Variants in TRMT9B observed in about 807,000 individuals in gnomAD.
TRMT9B encodes the protein tRNA methyltransferase 9B (putative).
A neutral mutation model predicts 11.5 loss-of-function variants in TRMT9B; 16 were observed. The ratio of observed to expected loss-of-function variants is 1.39; its 90% CI spans 0.94 to 2.11. The LOEUF (loss-of-function observed/expected upper bound fraction) is 2.11, where lower values mean the gene tolerates loss of function less well. Among genes scored for constraint, TRMT9B ranks in the 30% most tolerant of loss-of-function variants. The probability of loss-of-function intolerance (pLI) is 0.00; values close to 1 mark genes in which losing one functional copy is unlikely to be tolerated. For missense variants in TRMT9B, 941 were observed against 553.8 expected (o/e 1.70, Z -7.02); for synonymous variants, 274 against 192.4 (o/e 1.42, Z -3.51).
Position 13,021,099 on chromosome 8 carries a change from C to G in TRMT9B, c.420C>G (p.Tyr140Ter), listed in dbSNP as rs142308288. The G allele has an allele frequency of 1.2e-6, 2 of 1,610,596 alleles. No homozygotes were observed. The highest frequency in any genetic ancestry group is 1.7e-6 in the Non-Finnish European group (2 of 1,177,990). Residue 140 changes from tyrosine (Y) to a stop codon, truncating the protein, a stop_gained, in exon 5 of 5, where the codon TAC becomes TAG. Coordinates refer to ENST00000524591, the MANE Select transcript of TRMT9B (RefSeq NM_020844.3). LOFTEE classifies it low-confidence loss of function (END_TRUNC). Reference protein sequence around the residue: ...VLVPGGQLMIYVWAMEQKNRH... With the variant: ...VLVPGGQLMI Reference sequence around the variant, plus strand: ...TTCCCGGAGGCCAACTGATGATTTACGTTTGGGCAATGGAACAAAAGAACC... The same window carrying G: ...TTCCCGGAGGCCAACTGATGATTTAGGTTTGGGCAATGGAACAAAAGAACC...
At chr8:12,993,618 G>A (rs553014845) in intron 2 of TRMT9B, among the ~76,000 whole-genome samples, 2 of 152,300 alleles carry the variant, frequency 1.3e-5, no homozygotes, top group South Asian at 4.1e-4. Context: ...GGGCAAAGGT[G>A]CCAGCACTGT....
chr8:12,973,994 C>T (rs1804030116), intron 1 of TRMT9B, among the ~76,000 whole-genome samples: 1 of 151,822 alleles, frequency 6.6e-6, no homozygotes, highest in African/African-American at 2.4e-5. Flanking sequence ...ATGTCATCTC[C>T]AAAAATATAT....
intron 1 of TRMT9B, chr8:12,961,998 A>G (rs536647034): frequency 1.6e-4 from 24 of 152,394 alleles, no homozygotes; most frequent in African/African-American, 5.5e-4. Context: ...AGAATCCATT[A>G]ACAGACACAC....
chr8:12,986,062 A>C (rs965900350), intron 1 of TRMT9B, among the ~76,000 whole-genome samples: 1 of 152,014 alleles, frequency 6.6e-6, no homozygotes, highest in African/African-American at 2.4e-5. Flanking sequence ...GGGTTTCACC[A>C]TGCTGGACAA....
rs1191292532 is a variant in TRMT9B, at chr8:13,028,902, G to T, written c.*6858G>T. 1 of 166,918 alleles carries T rather than the reference G, an allele frequency of 6.0e-6. No homozygotes were observed. Among genetic ancestry groups the T allele is most frequent in the African/African-American group, 2.4e-5 (1 of 41,416 alleles). The allele number at this position is 166,918 out of a possible 1,614,324, so 10.3% of individuals were successfully genotyped here. The stretch of plus-strand genomic sequence containing the variant: ...TACTAAAGTTTGTTTTACTTCTCTG[G>T]TTATTTACACAAAACGCTGGCAATA... On this transcript the variant is annotated 3_prime_UTR_variant, in exon 5 of 5. Coordinates refer to ENST00000524591, the MANE Select transcript of TRMT9B (RefSeq NM_020844.3).
chr8:12,984,295 C>A (rs1198367183), intron 1 of TRMT9B, among the ~76,000 whole-genome samples: 1 of 152,200 alleles, frequency 6.6e-6, no homozygotes, highest in East Asian at 1.9e-4. Flanking sequence ...TGGTCCCAAG[C>A]ACTTTGGTTA....
chr8:12,955,037 A>G (rs1295810609), intron 1 of TRMT9B, among the ~76,000 whole-genome samples: 3 of 152,222 alleles, frequency 2.0e-5, no homozygotes, highest in Admixed American at 2.0e-4. Flanking sequence ...GTTTATAATA[A>G]GAAGTAGGAG....
intron 2 of TRMT9B, among the ~76,000 whole-genome samples, chr8:13,003,365 A>G (rs893139010): frequency 6.6e-6 from 1 of 152,204 alleles, no homozygotes; most frequent in African/African-American, 2.4e-5. Flanking sequence ...GTTAAGCCCA[A>G]AACGGGACCT....
At chr8:12,975,191 A>G (rs936116116) in intron 1 of TRMT9B, among the ~76,000 whole-genome samples, 1 of 152,122 alleles carries the variant, frequency 6.6e-6, no homozygotes, top group Non-Finnish European at 1.5e-5. Context: ...CAGATAGTTC[A>G]TCCTCATCTC....
chr8:12,991,230 A>G (rs988629224), intron 2 of TRMT9B, among the ~76,000 whole-genome samples, 199 bp downstream of exon 2: 22 of 152,254 alleles, frequency 1.4e-4, no homozygotes, highest in African/African-American at 5.3e-4. Context: ...TAAAAATTAT[A>G]AGAACATATT....
chr8:12,951,097 G>A (rs925397051), intron 1 of TRMT9B, among the ~76,000 whole-genome samples: 2 of 152,132 alleles, frequency 1.3e-5, no homozygotes, highest in African/African-American at 2.4e-5. Context: ...AGAAGCAATG[G>A]GGGGAGGAAA....
In TRMT9B at chr8:13,021,097, T is replaced by G; in HGVS notation, c.418T>G (p.Tyr140Asp). ...VLVPGGQLMI[Y>D]VWAMEQKNRH... ...AGTTCCCGGAGGCCAACTGATGATT[T>G]ACGTTTGGGCAATGGAACAAAAGAA... is the stretch of plus-strand genomic sequence containing the variant. The change falls in exon 5 of 5, where the codon TAC (tyrosine) becomes GAC (aspartate). Residue 140 changes from tyrosine (Y) to aspartate (D), a missense_variant. Tyr to Asp is a radical substitution (Grantham distance 160, BLOSUM62 -3). Transcript: ENST00000524591. 1.2e-6 allele frequency: 2 copies of G among 1,610,742 alleles called. No individual in the cohort carries two copies. Among genetic ancestry groups the G allele is most frequent in the Non-Finnish European group, 1.7e-6 (2 of 1,178,024 alleles).
At chr8:13,010,691 A>G (rs1811422493) in intron 3 of TRMT9B, 3 of 984,942 alleles carry the variant, frequency 3.0e-6, no homozygotes, top group Non-Finnish European at 3.6e-6. Context: ...GATTTTATTA[A>G]TATCATTGAA....
At position 13,026,089 on chromosome 8, in the gene TRMT9B, T is replaced by C. The variant is rs143179524; in HGVS notation, c.*4045T>C. 2.1e-3 allele frequency: 346 copies of C among 167,066 alleles called. No homozygotes were observed. The highest frequency in any genetic ancestry group is 7.9e-3 in the African/African-American group (326 of 41,512). The allele number at this position is 167,066 out of a possible 1,614,324, so 10.3% of individuals were successfully genotyped here. ...GAACTTGGTGGGGGAGGGCACAGGT[T>C]AAATATGAGCTGTGAGCCCCCAGTT... On this transcript the variant is annotated 3_prime_UTR_variant, in exon 5 of 5. Transcript: ENST00000524591.
intron 1 of TRMT9B, among the ~76,000 whole-genome samples, chr8:12,983,053 G>C (rs112194075): frequency 8.7e-4 from 133 of 152,276 alleles, no homozygotes; most frequent in African/African-American, 3.1e-3. Flanking sequence ...TACTCAGTGT[G>C]GTCTTTTGCT....
Position 12,990,911 on chromosome 8 carries a change from G to C in TRMT9B, c.-122G>C, listed in dbSNP as rs17179534. 69,371 of 1,289,098 alleles carry C rather than the reference G, an allele frequency of 0.054. 2,070 individuals are homozygous for C. Among genetic ancestry groups the C allele is most frequent in the African/African-American group, 0.11 (7,196 of 65,892 alleles). The allele number at this position is 1,289,098 out of a possible 1,614,324, so 79.9% of individuals were successfully genotyped here. A position where few individuals can be genotyped will look rare whatever the true frequency, so the allele number is the denominator to read the frequency against. On this transcript the variant is annotated 5_prime_UTR_variant, in exon 2 of 5. Coordinates refer to ENST00000524591, the MANE Select transcript of TRMT9B (RefSeq NM_020844.3). ...GCACTATTTCATTTCACTCCTACAA[G>C]TTTTCATTTACGTTACACATTGAGA...
Position 13,022,084 on chromosome 8 carries a change from A to C in TRMT9B, c.*40A>C. ...ACAACTCCTCCAAAAGATGAACCAC[A>C]TTCTTTCCTCTTGGTTTGATATGGT... is the stretch of plus-strand genomic sequence containing the variant. On this transcript the variant is annotated 3_prime_UTR_variant, in exon 5 of 5. Transcript: ENST00000524591. 1 of 1,407,862 alleles carries C rather than the reference A, an allele frequency of 7.1e-7. No homozygotes were observed. The highest frequency in any genetic ancestry group is 9.6e-7 in the Non-Finnish European group (1 of 1,040,770). 87.2% of individuals were successfully genotyped at this position (1,407,862 alleles called of 1,614,324 possible).
intron 1 of TRMT9B, chr8:12,952,140 G>C: frequency 2.2e-6 from 1 of 453,062 alleles, no homozygotes; most frequent in South Asian, 1.6e-5. Context: ...CTGCGGGACA[G>C]CGCTGTGACT....
chr8:13,021,693 A>C lies in TRMT9B; in HGVS notation c.1014A>C (p.Gln338His). ...GTLKHLNGDH[Q>H]GEMRRNGGGN... ...TGAAACATTTAAATGGAGACCATCA[A>C]GGGGAAATGAGGAGAAATGGAGGGG... Residue 338 changes from glutamine to histidine, a missense_variant, in exon 5 of 5, where the codon CAA becomes CAC. Gln to His is a conservative substitution (Grantham distance 24). Coordinates refer to ENST00000524591, the MANE Select transcript of TRMT9B (RefSeq NM_020844.3). The C allele has an allele frequency of 6.2e-7, 1 of 1,613,984 alleles. No individual in the cohort carries two copies. Among genetic ancestry groups the C allele is most frequent in the East Asian group, 2.2e-5 (1 of 44,888 alleles).
Sources: allele counts gnomAD v4.1 joint callset (sites outside exome capture counted in the v4.1 genomes callset), GRCh38; gene constraint gnomAD v4.1.1; transcripts MANE v1.5; gene names NCBI Gene and HGNC (gene_info 2026-07-23, HGNC 2026-07-21).